Variants in EPM2A observed in about 807,000 individuals in gnomAD.
The protein encoded by EPM2A is EPM2A glucan phosphatase, laforin, also known as laforin.
EPM2A carries 21 observed loss-of-function variants against 26.5 expected under a neutral mutation model. The ratio of observed to expected loss-of-function variants is 0.79; its 90% CI spans 0.56 to 1.14. The LOEUF (loss-of-function observed/expected upper bound fraction) is 1.14, where lower values mean the gene tolerates loss of function less well. Among genes scored for constraint, EPM2A ranks in the 50% most tolerant of loss-of-function variants. The pLI is 0.00. For missense variants in EPM2A, 458 were observed against 440.8 expected, an observed-to-expected ratio of 1.04 and a Z score of -0.35; for synonymous variants, 217 against 177.6, an observed-to-expected ratio of 1.22 and a Z score of -1.76.
At chr6:145,553,828 T>A (rs1207705170) in intron 2 of EPM2A, among the ~76,000 whole-genome samples, 2 of 147,546 alleles carry the variant, frequency 1.4e-5, no homozygotes, top group South Asian at 2.1e-4. Context: ...GTATATATAT[T>A]ATATATATAG....
chr6:145,386,182 T>C (rs1778259391), intron 4 of EPM2A, among the ~76,000 whole-genome samples: 1 of 152,050 alleles, frequency 6.6e-6, no homozygotes, highest in Admixed American at 6.6e-5. Flanking sequence ...TCCAAGGTAG[T>C]TGTAATTATT....
intron 4 of EPM2A, among the ~76,000 whole-genome samples, chr6:145,428,139 A>G (rs111583295): frequency 9.0e-4 from 136 of 150,406 alleles, no homozygotes; most frequent in Non-Finnish European, 1.7e-3. Context: ...AGAGTTTCAA[A>G]AATTATGCAT....
chr6:145,643,624 T>A (rs1777243283), intron 2 of EPM2A, among the ~76,000 whole-genome samples: 1 of 152,226 alleles, frequency 6.6e-6, no homozygotes, highest in Non-Finnish European at 1.5e-5. Flanking sequence ...ATAGATTTTT[T>A]AAGTTATTCT....
At chr6:145,598,584 T>A (rs1213546554) in intron 2 of EPM2A, among the ~76,000 whole-genome samples, 1 of 152,102 alleles carries the variant, frequency 6.6e-6, no homozygotes, top group Non-Finnish European at 1.5e-5. Flanking sequence ...TAGTTTCTTT[T>A]GCTGTACAGA....
intron 2 of EPM2A, among the ~76,000 whole-genome samples, chr6:145,663,547 C>G (rs1252452711): frequency 6.6e-6 from 1 of 152,082 alleles, no homozygotes; most frequent in Non-Finnish European, 1.5e-5. Context: ...ATTGGTGTAC[C>G]TGAAAGTGAT....
intron 1 of EPM2A, among the ~76,000 whole-genome samples, chr6:145,694,070 T>A (rs1346268579): frequency 6.6e-6 from 1 of 152,070 alleles, no homozygotes; most frequent in East Asian, 1.9e-4. Flanking sequence ...ATTATATTGG[T>A]TAAATATCTA....
At chr6:145,478,479 A>G (rs1471949738) in intron 4 of EPM2A, among the ~76,000 whole-genome samples, 1 of 151,872 alleles carries the variant, frequency 6.6e-6, no homozygotes, top group Non-Finnish European at 1.5e-5. Flanking sequence ...AAGCTATCCT[A>G]AGCAAAAAGA....
At chr6:145,590,441 A>AT (rs1491125439) in intron 2 of EPM2A, among the ~76,000 whole-genome samples, 1 of 130,570 alleles carries the variant, frequency 7.7e-6, no homozygotes. Context: ...AAACTGAAAA[A>AT]TAAAAAAAAA....
At chr6:145,671,185 C>G (rs139680131) in intron 2 of EPM2A, 116 of 1,009,558 alleles carry the variant, frequency 1.1e-4, no homozygotes, top group Admixed American at 5.7e-4. Context: ...TTTATAAATG[C>G]GAGCAAAGTA....
intron 2 of EPM2A, among the ~76,000 whole-genome samples, chr6:145,589,888 TAA>T (rs60941447): frequency 1.4e-5 from 2 of 140,866 alleles, no homozygotes; most frequent in Non-Finnish European, 1.5e-5. Flanking sequence ...GTTCAGAGGT[TAA>T]AAAAAAAAAA....
rs577513208 is a variant in EPM2A at position 145,436,113 on chromosome 6, C to T, written c.556-52016G>A. 9.8e-5 allele frequency among the ~76,000 whole-genome samples: 15 copies of T among 152,286 alleles called. No homozygotes were observed. The South Asian group carries it at 2.1e-3, about 21-fold the overall frequency. On this transcript the variant is annotated intron_variant, in intron 4 of 4. Coordinates refer to the EPM2A transcript ENST00000638717. Reference sequence around the variant, plus strand: ...GTTCTGCCTATTCATCTCTCCTTCCCGCCAACCACTGGCAGCCACTGATCA... The same window carrying T: ...GTTCTGCCTATTCATCTCTCCTTCCTGCCAACCACTGGCAGCCACTGATCA...
chr6:145,546,134 G>T (rs1302213096), intron 2 of EPM2A, among the ~76,000 whole-genome samples: 2 of 152,166 alleles, frequency 1.3e-5, no homozygotes, highest in African/African-American at 4.8e-5. Flanking sequence ...TGCAGAACTA[G>T]GGATGCCAGT....
downstream of EPM2A, among the ~76,000 whole-genome samples, chr6:145,496,971 G>A: frequency 6.6e-6 from 1 of 152,138 alleles, no homozygotes; most frequent in South Asian, 2.1e-4. Flanking sequence ...GTTTTATCAT[G>A]ATTTTTAGCT....
At chr6:145,499,307 C>T (rs952570949), downstream of EPM2A, among the ~76,000 whole-genome samples, 1 of 152,188 alleles carries the variant, frequency 6.6e-6, no homozygotes, top group African/African-American at 2.4e-5. Flanking sequence ...TAGAATCAAA[C>T]AGCATAACAT....
intron 1 of EPM2A, chr6:145,705,476 G>T (rs1486263280): frequency 1.6e-5 from 7 of 427,382 alleles, no homozygotes; most frequent in African/African-American, 1.4e-4. Flanking sequence ...GGTCACCTGA[G>T]CCAGAGAGGT....
At chr6:145,431,137 A>G (rs1425468842) in intron 4 of EPM2A, among the ~76,000 whole-genome samples, 1 of 152,232 alleles carries the variant, frequency 6.6e-6, no homozygotes, top group African/African-American at 2.4e-5. Flanking sequence ...GCAGAGAGAT[A>G]GAAAATAATT....
intron 2 of EPM2A, among the ~76,000 whole-genome samples, chr6:145,683,377 A>G (rs1161800628): frequency 6.7e-6 from 1 of 148,918 alleles, no homozygotes; most frequent in Non-Finnish European, 1.5e-5. Flanking sequence ...TTATTTTAAT[A>G]TATAAAGTAT....
At chr6:145,622,732 T>C (rs1436985111), downstream of EPM2A, among the ~76,000 whole-genome samples, 2 of 152,132 alleles carry the variant, frequency 1.3e-5, no homozygotes, top group Admixed American at 1.3e-4. Context: ...CTCGCAGCCC[T>C]CAGGAGGAAC....
intron 2 of EPM2A, chr6:145,641,264 G>A (rs1777064717): frequency 6.6e-6 from 1 of 152,158 alleles, no homozygotes; most frequent in Non-Finnish European, 1.5e-5. Flanking sequence ...CTCTACAGAG[G>A]TGATCAAGTT....
Sources: allele counts gnomAD v4.1 joint callset (sites outside exome capture counted in the v4.1 genomes callset), GRCh38; gene constraint gnomAD v4.1.1; transcripts MANE v1.5; gene names NCBI Gene and HGNC (gene_info 2026-07-23, HGNC 2026-07-21).